Variants in ZNF804A observed in about 807,000 individuals in gnomAD.
ZNF804A encodes the protein zinc finger protein 804A.
Under a neutral mutation model 16.5 loss-of-function variants are expected in ZNF804A, and 2 were observed. The ratio of observed to expected loss-of-function variants is 0.12; its 90% CI spans 0.05 to 0.38. The LOEUF (loss-of-function observed/expected upper bound fraction) is 0.38. Ranked by LOEUF, ZNF804A falls within the 10% of genes least tolerant of loss-of-function variation. The pLI is 0.99. For missense variants in ZNF804A, 1,473 were observed against 1,390.7 expected, an observed-to-expected ratio of 1.06 and a Z score of -0.94; for synonymous variants, 534 against 489.6, an observed-to-expected ratio of 1.09 and a Z score of -1.20.
intron 2 of ZNF804A, among the ~76,000 whole-genome samples, chr2:184,888,925 T>C (rs147035541): frequency 6.6e-6 from 1 of 152,066 alleles, no homozygotes; most frequent in East Asian, 1.9e-4. Context: ...TTATAAAAAG[T>C]GTTTGTGTGT....
chr2:184,880,653 T>G (rs998666898), intron 2 of ZNF804A, among the ~76,000 whole-genome samples: 6 of 151,026 alleles, frequency 4.0e-5, no homozygotes, highest in Admixed American at 4.0e-4. Flanking sequence ...TGTAACAGAT[T>G]ACATTGAGAC....
intron 1 of ZNF804A, among the ~76,000 whole-genome samples, chr2:184,766,066 A>G (rs930372900): frequency 2.0e-5 from 3 of 152,170 alleles, no homozygotes; most frequent in Non-Finnish European, 4.4e-5. Flanking sequence ...AAAAATGGTT[A>G]TTAATTTTGC....
chr2:184,926,691 T>C (rs1031987063), intron 2 of ZNF804A, among the ~76,000 whole-genome samples: 1 of 152,134 alleles, frequency 6.6e-6, no homozygotes, highest in African/African-American at 2.4e-5. Flanking sequence ...TGATTTATTG[T>C]TTTTTAACCT....
intron 1 of ZNF804A, among the ~76,000 whole-genome samples, chr2:184,838,766 A>G (rs2105798973): frequency 6.6e-6 from 1 of 152,264 alleles, no homozygotes; most frequent in East Asian, 1.9e-4. Context: ...ATTTTATATT[A>G]AAAACCAGAA....
intron 1 of ZNF804A, among the ~76,000 whole-genome samples, chr2:184,707,325 G>A (rs1693046494): frequency 1.3e-5 from 2 of 152,006 alleles, no homozygotes; most frequent in Admixed American, 1.3e-4. Context: ...TAGATTCAGG[G>A]ATAATGCCAG....
At chr2:184,735,129 A>G (rs1193332637) in intron 1 of ZNF804A, among the ~76,000 whole-genome samples, 1 of 151,960 alleles carries the variant, frequency 6.6e-6, no homozygotes, top group Non-Finnish European at 1.5e-5. Flanking sequence ...TTGTCTCTTA[A>G]TTGTTGCATT....
Position 184,936,769 on chromosome 2 carries a change from A to G in ZNF804A, c.1373A>G (p.Asn458Ser). The G allele has an allele frequency of 1.2e-6, 2 of 1,613,906 alleles. No individual in the cohort carries two copies. Among genetic ancestry groups the G allele is most frequent in the Non-Finnish European group, 1.7e-6 (2 of 1,179,902 alleles). The change falls in exon 4 of 4, where the codon AAT becomes AGT. Residue 458 changes from asparagine (N) to serine (S), a missense_variant. By Grantham distance (46) the Asn-to-Ser change is conservative. Transcript: ENST00000302277. Reference sequence around the variant, plus strand: ...AAACCATCAATTTCCTATAGCTGTAATCCTCTATGTTTTGACTTCAAGTCT... The same window carrying G: ...AAACCATCAATTTCCTATAGCTGTAGTCCTCTATGTTTTGACTTCAAGTCT... The part of the protein sequence containing the change: ...TTKPSISYSC[N>S]PLCFDFKSTK...
intron 1 of ZNF804A, among the ~76,000 whole-genome samples, chr2:184,643,731 A>C (rs1247630087): frequency 1.3e-5 from 2 of 151,488 alleles, no homozygotes; most frequent in Non-Finnish European, 3.0e-5. Context: ...TGTGCATATA[A>C]ATTTATATAG....
At chr2:184,661,867 A>C (rs1264125531) in intron 1 of ZNF804A, among the ~76,000 whole-genome samples, 3 of 152,226 alleles carry the variant, frequency 2.0e-5, no homozygotes, top group African/African-American at 7.2e-5. Context: ...TTGTTCCACC[A>C]ACATTTTTAA....
intron 1 of ZNF804A, among the ~76,000 whole-genome samples, chr2:184,743,161 G>A (rs1242176636): frequency 2.6e-5 from 4 of 152,000 alleles, no homozygotes; most frequent in African/African-American, 7.2e-5. Flanking sequence ...TTCCCCTTTG[G>A]AGATCGCCAG....
chr2:184,843,644 T>C (rs1215245024), intron 1 of ZNF804A, among the ~76,000 whole-genome samples: 1 of 152,174 alleles, frequency 6.6e-6, no homozygotes, highest in Non-Finnish European at 1.5e-5. Context: ...CCTAAAACAC[T>C]GAAATTTGTG....
chr2:184,809,132 A>G (rs1401553057), intron 1 of ZNF804A, among the ~76,000 whole-genome samples: 1 of 151,934 alleles, frequency 6.6e-6, no homozygotes, highest in Non-Finnish European at 1.5e-5. Flanking sequence ...GGAAAGGGAT[A>G]TATCATGCTG....
intron 2 of ZNF804A, among the ~76,000 whole-genome samples, chr2:184,916,569 G>A (rs1685453073): frequency 6.6e-6 from 1 of 152,164 alleles, no homozygotes; most frequent in Non-Finnish European, 1.5e-5. Context: ...AAAAAGATTG[G>A]CCTGGCACGG....
intron 1 of ZNF804A, among the ~76,000 whole-genome samples, chr2:184,760,940 A>G (rs1171376548): frequency 6.6e-6 from 1 of 152,162 alleles, no homozygotes; most frequent in Non-Finnish European, 1.5e-5. Flanking sequence ...CGGCTGGCAC[A>G]TGGCATATCT....
intron 1 of ZNF804A, among the ~76,000 whole-genome samples, chr2:184,602,161 T>C (rs991326952): frequency 2.6e-5 from 4 of 151,928 alleles, no homozygotes; most frequent in African/African-American, 7.2e-5. Flanking sequence ...ACAACATTCT[T>C]GAAGACTAAG....
chr2:184,843,087 T>C lies in ZNF804A; in HGVS notation c.112-23282T>C, dbSNP rs556736458. Among the ~76,000 whole-genome samples the C allele has an allele frequency of 1.3e-3, 203 of 152,190 alleles. 2 individuals carry two copies. The highest frequency in any genetic ancestry group is 4.4e-3 in the African/African-American group (182 of 41,540). On this transcript the variant is annotated intron_variant, in intron 1 of 3. Coordinates refer to ENST00000302277, the MANE Select transcript of ZNF804A (RefSeq NM_194250.2). ...TTCATACTCACAAGCAATTATCATG[T>C]CCATGTATATAGTCCTGGCCTCCAG...
At chr2:184,658,735 A>G (rs1445710523) in intron 1 of ZNF804A, among the ~76,000 whole-genome samples, 2 of 152,228 alleles carry the variant, frequency 1.3e-5, no homozygotes, top group Non-Finnish European at 2.9e-5. Context: ...ATGCTCTTCA[A>G]GTATCAGAAC....
rs1173251841 is a variant in ZNF804A at position 184,933,632 on chromosome 2, T to C, written c.285T>C (p.Phe95=). The C allele has an allele frequency of 2.5e-6, 4 of 1,605,684 alleles. No homozygotes were observed. In the Admixed American group the frequency reaches 5.2e-5, roughly 21 times the overall value. Residue 95 remains phenylalanine (F), a synonymous_variant, in exon 3 of 4, where the codon TTT becomes TTC. Transcript: ENST00000302277. ...TCAAGGAACTGAAACAAAGGGAATT[T>C]GCTCGAAATGTAGCATCTAAATCCA... ...QRLKELKQRE[F]ARNVASKSRK... is the part of the protein sequence containing the mutation.
At chr2:184,838,566 G>A (rs1011603226) in intron 1 of ZNF804A, among the ~76,000 whole-genome samples, 24 of 151,986 alleles carry the variant, frequency 1.6e-4, no homozygotes, top group African/African-American at 4.6e-4. Context: ...TCAACATAGA[G>A]AATAACCCAG....
Sources: allele counts gnomAD v4.1 joint callset (sites outside exome capture counted in the v4.1 genomes callset), GRCh38; gene constraint gnomAD v4.1.1; transcripts MANE v1.5; gene names NCBI Gene and HGNC (gene_info 2026-07-23, HGNC 2026-07-21).